The following CTNNA2 variants were observed in gnomAD, a reference collection of about 807,000 sequenced individuals.
The protein encoded by CTNNA2 is catenin alpha-2.
A neutral mutation model predicts 101.0 loss-of-function variants in CTNNA2; 42 were observed. The ratio of observed to expected loss-of-function variants is 0.42; its 90% confidence interval spans 0.32 to 0.54. The LOEUF (loss-of-function observed/expected upper bound fraction) is 0.54, where lower values mean the gene tolerates loss of function less well. Among genes scored for constraint, CTNNA2 ranks in the 20% least tolerant of loss-of-function variants. The pLI is 0.14. For missense variants in CTNNA2, 871 were observed against 1,223.1 expected (o/e 0.71, Z 4.29); for synonymous variants, 450 against 456.4 (o/e 0.99, Z 0.18).
At chr2:80,636,092 A>T (rs974041562) in intron 18 of CTNNA2, among the ~76,000 whole-genome samples, 4 of 150,898 alleles carry the variant, frequency 2.7e-5, no homozygotes, top group Non-Finnish European at 4.4e-5. Flanking sequence ...CTTTTCATAT[A>T]ACCTGCCATT....
intron 9 of CTNNA2, among the ~76,000 whole-genome samples, chr2:80,430,091 C>T (rs183386127): frequency 6.6e-6 from 1 of 152,130 alleles, no homozygotes; most frequent in Admixed American, 6.6e-5. Context: ...AAATAAAATA[C>T]AAAATCTTTA....
At chr2:79,535,993 A>G (rs1051398094) in intron 1 of CTNNA2, among the ~76,000 whole-genome samples, 33 of 152,188 alleles carry the variant, frequency 2.2e-4, no homozygotes, top group African/African-American at 7.5e-4. Flanking sequence ...TGATTTTGAC[A>G]TTTATAAGTT....
intron 7 of CTNNA2, chr2:80,029,575 T>C (rs1695154986): frequency 6.6e-6 from 1 of 152,096 alleles, no homozygotes; most frequent in Non-Finnish European, 1.5e-5. Context: ...GATGAAGGGC[T>C]TACTGAGTTG....
At chr2:79,909,991 G>C (rs575749758) in intron 7 of CTNNA2, among the ~76,000 whole-genome samples, 194 bp downstream of exon 7, 8 of 152,254 alleles carry the variant, frequency 5.3e-5, no homozygotes, top group African/African-American at 1.9e-4. Flanking sequence ...TTGTTTGTTT[G>C]TTTTAATATG....
At chr2:79,754,045 T>G (rs1238033627) in intron 3 of CTNNA2, among the ~76,000 whole-genome samples, 1 of 151,944 alleles carries the variant, frequency 6.6e-6, no homozygotes, top group Non-Finnish European at 1.5e-5. Context: ...ATTTTTGTAT[T>G]TCTAGTAGAG....
At chr2:80,183,942 T>C (rs921113999) in intron 7 of CTNNA2, among the ~76,000 whole-genome samples, 1 of 151,910 alleles carries the variant, frequency 6.6e-6, no homozygotes, top group African/African-American at 2.4e-5. Flanking sequence ...TGGGGAGATC[T>C]TAAATCATAA....
intron 11 of CTNNA2, among the ~76,000 whole-genome samples, chr2:80,553,331 ATT>A (rs1384405451): frequency 1.3e-5 from 2 of 152,140 alleles, no homozygotes; most frequent in Non-Finnish European, 2.9e-5. Context: ...TTTGCTGATG[ATT>A]TGAGTAATTA....
At chr2:80,264,539 G>A (rs1672860776) in intron 7 of CTNNA2, among the ~76,000 whole-genome samples, 1 of 152,090 alleles carries the variant, frequency 6.6e-6, no homozygotes, top group South Asian at 2.1e-4. Context: ...TACAGACTGG[G>A]ATTTCAGTGG....
chr2:79,336,303 G>T (rs966137817), intron 3 of CTNNA2, among the ~76,000 whole-genome samples: 1 of 152,130 alleles, frequency 6.6e-6, no homozygotes, highest in Non-Finnish European at 1.5e-5. Flanking sequence ...GTGGTGTCAT[G>T]CTTGCAATAT....
intron 2 of CTNNA2, among the ~76,000 whole-genome samples, chr2:79,695,816 G>T (rs1042669664): frequency 1.1e-4 from 16 of 152,000 alleles, no homozygotes; most frequent in Non-Finnish European, 1.5e-5. Context: ...TCTTGGCTGA[G>T]AACTCAGTTT....
chr2:79,795,429 T>A (rs1366456143), intron 3 of CTNNA2, among the ~76,000 whole-genome samples: 1 of 152,052 alleles, frequency 6.6e-6, no homozygotes, highest in East Asian at 1.9e-4. Context: ...TATGTATGTG[T>A]TTAAAAGTTA....
At chr2:79,976,382 A>G (rs1203361434) in intron 7 of CTNNA2, among the ~76,000 whole-genome samples, 2 of 152,150 alleles carry the variant, frequency 1.3e-5, no homozygotes, top group African/African-American at 4.8e-5. Flanking sequence ...AATGTGATTC[A>G]CACAACTACC....
At chr2:80,597,628 G>GA (rs968650263) in intron 15 of CTNNA2, among the ~76,000 whole-genome samples, 8 of 151,642 alleles carry the variant, frequency 5.3e-5, no homozygotes, top group East Asian at 1.9e-4. Context: ...ACATTTACAA[G>GA]AAAAAAAACA....
In CTNNA2 at chr2:80,147,325, C is replaced by T. The variant is rs550361026; in HGVS notation, c.1056+237528C>T. Among the ~76,000 whole-genome samples, 8 of 152,220 alleles carry T rather than the reference C, an allele frequency of 5.3e-5. No homozygotes were observed. In the South Asian group the frequency reaches 1.7e-3, roughly 32 times the overall value. Reference sequence around the variant, plus strand: ...CCATGTTAGCCAGGCTGGTTTTGAACTCCTGACCTCAAGTGATCCACCAAC... The same window carrying T: ...CCATGTTAGCCAGGCTGGTTTTGAATTCCTGACCTCAAGTGATCCACCAAC... On this transcript the variant is annotated intron_variant, in intron 7 of 18. Transcript: ENST00000402739.
At chr2:79,774,351 A>T (rs972808042) in intron 3 of CTNNA2, among the ~76,000 whole-genome samples, 3 of 152,170 alleles carry the variant, frequency 2.0e-5, no homozygotes, top group Non-Finnish European at 4.4e-5. Context: ...CTGTAGTTGA[A>T]AGCCTCTGTA....
rs112744687 is a variant in CTNNA2 at position 80,270,923 on chromosome 2, G to A, written c.1057-122288G>A. Among the ~76,000 whole-genome samples, 255 of 152,270 alleles carry A rather than the reference G, an allele frequency of 1.7e-3. 2 individuals are homozygous for A. Among genetic ancestry groups the A allele is most frequent in the African/African-American group, 5.9e-3 (246 of 41,558 alleles). Reference sequence around the variant, plus strand: ...TATGGGACTGGCAATTTGAGAGTAAGTGTGAATGGGTAAGTGGATGGCAAA... The same window carrying A: ...TATGGGACTGGCAATTTGAGAGTAAATGTGAATGGGTAAGTGGATGGCAAA... On this transcript the variant is annotated intron_variant, in intron 7 of 18. Transcript: ENST00000402739.
At chr2:79,655,822 C>G (rs2104499182) in intron 2 of CTNNA2, among the ~76,000 whole-genome samples, 1 of 122,490 alleles carries the variant, frequency 8.2e-6, no homozygotes, top group East Asian at 4.7e-4. Context: ...GAGCGAGACT[C>G]CATCTCAAAA....
intron 7 of CTNNA2, among the ~76,000 whole-genome samples, chr2:80,126,805 G>A (rs1043357542): frequency 2.6e-5 from 4 of 151,916 alleles, no homozygotes; most frequent in Non-Finnish European, 4.4e-5. Context: ...AACTACCCTT[G>A]TTCTGTTCTT....
At chr2:79,867,928 G>A (rs1682267497) in intron 4 of CTNNA2, among the ~76,000 whole-genome samples, 1 of 152,172 alleles carries the variant, frequency 6.6e-6, no homozygotes, top group Non-Finnish European at 1.5e-5. Context: ...GCTGTTGATA[G>A]CCAAGTTAAG....
Sources: allele counts gnomAD v4.1 joint callset (sites outside exome capture counted in the v4.1 genomes callset), GRCh38; gene constraint gnomAD v4.1.1; transcripts MANE v1.5; gene names NCBI Gene and HGNC (gene_info 2026-07-23, HGNC 2026-07-21).